RNPEPL1: variants seen among roughly 807,000 people sequenced by gnomAD.
RNPEPL1 encodes the protein aminopeptidase RNPEPL1.
In RNPEPL1, 46 loss-of-function variants were observed where a neutral mutation model predicts 69.0. The ratio of observed to expected loss-of-function variants is 0.67; its 90% CI spans 0.53 to 0.85. RNPEPL1 has a LOEUF of 0.85. RNPEPL1 is among the 40% of genes least tolerant of loss of function. RNPEPL1 has a pLI of 0.00. For synonymous variants in RNPEPL1, 525 were observed against 454.1 expected, an observed-to-expected ratio of 1.16 and a Z score of -1.98; for missense variants, 869 against 992.5, an observed-to-expected ratio of 0.88 and a Z score of 1.67.
Position 240,578,687 on chromosome 2 carries a change from G to A in RNPEPL1, c.*795G>A, listed in dbSNP as rs1462456277. 1 of 152,416 alleles carries A rather than the reference G, an allele frequency of 6.6e-6. No individual in the cohort carries two copies. Among genetic ancestry groups the A allele is most frequent in the Non-Finnish European group, 1.5e-5 (1 of 68,128 alleles). 9.4% of individuals were successfully genotyped at this position (152,416 alleles called of 1,614,324 possible). ...CTCCAGCCTGGGACTGCTGTGATGG[G>A]GTATCACGGTGATGGTCCCATTAAA... On this transcript the variant is annotated 3_prime_UTR_variant, in exon 11 of 11. Transcript: ENST00000270357.
chr2:240,573,737 G>A, intron 3 of RNPEPL1, 38 bp from the exon 4 acceptor site: 5 of 1,477,672 alleles, frequency 3.4e-6, no homozygotes, highest in Non-Finnish European at 3.6e-6. Context: ...CGGGGCTGGG[G>A]CTGCTCGGCC....
chr2:240,575,175 G>A (rs777034778), intron 7 of RNPEPL1, 33 bp downstream of exon 7: 1 of 1,548,018 alleles, frequency 6.5e-7, no homozygotes, highest in Non-Finnish European at 8.9e-7. Context: ...CGGCCCTGCT[G>A]CCATCTGCCC....
Position 240,572,631 on chromosome 2 carries a change from C to G in RNPEPL1, c.669+68C>G, listed in dbSNP as rs896212945. The G allele has an allele frequency of 2.5e-5, 38 of 1,520,102 alleles. No individual in the cohort carries two copies. The African/African-American group carries it at 3.7e-4, about 15-fold the overall frequency. The allele number at this position is 1,520,102 out of a possible 1,614,324, so 94.2% of individuals were successfully genotyped here. ...CCAGTGGCCTGGCCACGCCGCCTCC[C>G]CCTTGCTCCTACCTGCCTGGGCTGT... On this transcript the variant is annotated intron_variant, in intron 2 of 10. Coordinates refer to ENST00000270357, the MANE Select transcript of RNPEPL1 (RefSeq NM_018226.6).
chr2:240,574,901 A>G, intron 6 of RNPEPL1, 129 bp from the exon 7 acceptor site: 1 of 774,386 alleles, frequency 1.3e-6, no homozygotes, highest in Non-Finnish European at 2.3e-6. Context: ...GCATCAGTAC[A>G]CATCTGGACA....
chr2:240,577,920 C>T lies in RNPEPL1; in HGVS notation c.*28C>T. 6.9e-6 allele frequency: 10 copies of T among 1,458,694 alleles called. No homozygotes were observed. The highest frequency in any genetic ancestry group is 9.1e-6 in the Non-Finnish European group (10 of 1,097,094). The allele number at this position is 1,458,694 out of a possible 1,614,324, so 90.4% of individuals were successfully genotyped here. ...CTGTTGGCGGGCTGACCCTCGACCT[C>T]CCAGACACCACAATTGTGCCTTCTG... On this transcript the variant is annotated 3_prime_UTR_variant, in exon 11 of 11. Transcript: ENST00000270357.
rs1336354374 is a variant in RNPEPL1, at chr2:240,573,105, T to C, written c.670-5T>C. On this transcript the variant is annotated splice_polypyrimidine_tract_variant and splice_region_variant and intron_variant, in intron 2 of 10. Transcript: ENST00000270357. ...CCACCCGGTCTCAGTCCGGCCTCCT[T>C]ACAGGCGCCATCGGGGGTGCAGGTG... is the stretch of plus-strand genomic sequence containing the variant. 2 of 1,600,402 alleles carry C rather than the reference T, an allele frequency of 1.2e-6. No homozygotes were observed.
rs1222353251 is a variant in RNPEPL1, at chr2:240,569,020, A to G, written c.434A>G (p.Tyr145Cys). 1.3e-6 allele frequency: 2 copies of G among 1,507,524 alleles called. No homozygotes were observed. Among genetic ancestry groups the G allele is most frequent in the Admixed American group, 2.0e-5 (1 of 48,932 alleles). 93.4% of individuals were successfully genotyped at this position (1,507,524 alleles called of 1,614,324 possible). Reference protein sequence around the residue: ...LAFRVDPFTDYGSSLTVTLPP... With the variant: ...LAFRVDPFTDCGSSLTVTLPP... Reference sequence around the variant, plus strand: ...TTCAGGGTGGACCCGTTCACCGACTACGGCTCCTCGCTCACCGTCACGCTG... The same window carrying G: ...TTCAGGGTGGACCCGTTCACCGACTGCGGCTCCTCGCTCACCGTCACGCTG... The change falls in exon 1 of 11, where the codon TAC becomes TGC. Residue 145 changes from tyrosine (Y) to cysteine (C), a missense_variant. By Grantham distance (194) the Tyr-to-Cys change is radical. Coordinates refer to ENST00000270357, the MANE Select transcript of RNPEPL1 (RefSeq NM_018226.6).
Position 240,572,491 on chromosome 2 carries a change from C to T in RNPEPL1, c.597C>T (p.Ser199=), listed in dbSNP as rs771257257. 132 of 1,536,166 alleles carry T rather than the reference C, an allele frequency of 8.6e-5. No homozygotes were observed. The highest frequency in any genetic ancestry group is 4.6e-4 in the East Asian group (19 of 41,070). Residue 199 remains serine, a synonymous_variant, in exon 2 of 11, where the codon TCC becomes TCT. Transcript: ENST00000270357. ...CCTTCGTCTTCACCCAGGGCCACTC[C>T]GTGTGCAACCGCTCCTTCTTCCCGT... ...AKPFVFTQGH[S]VCNRSFFPCF...
At position 240,568,692 on chromosome 2, in the gene RNPEPL1, G is replaced by T. The variant is rs773731033; in HGVS notation, c.106G>T (p.Ala36Ser). The T allele has an allele frequency of 1.9e-4, 197 of 1,057,730 alleles. No individual in the cohort carries two copies. The African/African-American group carries it at 3.1e-3, about 17-fold the overall frequency. 65.5% of individuals were successfully genotyped at this position (1,057,730 alleles called of 1,614,324 possible). A position where few individuals can be genotyped will look rare whatever the true frequency, so the allele number is the denominator to read the frequency against. Reference sequence around the variant, plus strand: ...CCTGGACGTGGCCTCGGCCTCCAGCGCGCAGCTCTTCCGCCTCCGCCACCT... The same window carrying T: ...CCTGGACGTGGCCTCGGCCTCCAGCTCGCAGCTCTTCCGCCTCCGCCACCT... ...PALDVASASS[A>S]QLFRLRHLQL... Residue 36 changes from alanine to serine, a missense_variant, in exon 1 of 11, where the codon GCG becomes TCG. Around this residue, in one of 2 missense-constraint regions of RNPEPL1, gnomAD observed 259 missense variants for 201.5 expected, o/e 1.29. Transcript: ENST00000270357. The surrounding 1 kb of genome is among the most constrained non-coding windows in gnomAD (Gnocchi z 6.2).
rs1575438512 is a variant in RNPEPL1 at position 240,575,863 on chromosome 2, T to C, written c.1510+253T>C. 1.5e-5 allele frequency: 8 copies of C among 528,752 alleles called. No individual in the cohort carries two copies. In the East Asian group the frequency reaches 1.9e-4, roughly 13 times the overall value. The allele number at this position is 528,752 out of a possible 1,614,324, so 32.8% of individuals were successfully genotyped here. On this transcript the variant is annotated intron_variant, in intron 8 of 10. Transcript: ENST00000270357. ...TCAGGCACTCCCAGGAAGCGGGCCA[T>C]GGAAACCAGGTGTGCAAAGGGCCTG...
Position 240,573,164 on chromosome 2 carries a change from G to A in RNPEPL1, c.724G>A (p.Glu242Lys), listed in dbSNP as rs112339259. ...MSATRSAYMEEEGVFHFHMEH... is the reference protein window; with the variant it reads ...MSATRSAYMEKEGVFHFHMEH... ...TGCCACCCGGAGTGCATACATGGAG[G>A]AAGAAGGCGTCTTCCACTTCCACAT... is the stretch of plus-strand genomic sequence containing the variant. Residue 242 changes from glutamate to lysine, a missense_variant, in exon 3 of 11, where the codon GAA becomes AAA. Physicochemically the swap from Glu to Lys is moderately conservative, Grantham distance 56. This residue lies in a region of RNPEPL1 where 610 missense variants were observed against 790.9 expected (regional missense o/e 0.77). Transcript: ENST00000270357. 0.01 allele frequency: 16,254 copies of A among 1,609,092 alleles called. 120 individuals are homozygous for A. Among genetic ancestry groups the A allele is most frequent in the Middle Eastern group, 0.013 (77 of 6,050 alleles).
chr2:240,576,131 T>A (rs2093036986), intron 8 of RNPEPL1: 1 of 275,962 alleles, frequency 3.6e-6, no homozygotes, highest in East Asian at 8.4e-5. Flanking sequence ...GAGCTTTTTG[T>A]GGGTAGGGAA....
At position 240,576,433 on chromosome 2, in the gene RNPEPL1, C is replaced by A. The variant is rs2093037876; in HGVS notation, c.1511-102C>A. The A allele has an allele frequency of 4.3e-6, 5 of 1,154,534 alleles. No individual in the cohort carries two copies. The Admixed American group carries it at 7.3e-5, about 17-fold the overall frequency. The allele number at this position is 1,154,534 out of a possible 1,614,324, so 71.5% of individuals were successfully genotyped here. A position where few individuals can be genotyped will look rare whatever the true frequency, so the allele number is the denominator to read the frequency against. On this transcript the variant is annotated intron_variant, in intron 8 of 10. Coordinates refer to ENST00000270357, the MANE Select transcript of RNPEPL1 (RefSeq NM_018226.6). ...CAGCCCACGTCCCTGGAACAGGCCA[C>A]CTGCCTGGAACACACTCAGGGTCTG...
At chr2:240,572,027 C>T (rs1217289759) in intron 1 of RNPEPL1, among the ~76,000 whole-genome samples, 1 of 152,258 alleles carries the variant, frequency 6.6e-6, no homozygotes, top group Non-Finnish European at 1.5e-5. Flanking sequence ...ATGACCAAAT[C>T]AACTGCTGGG....
rs1039466560 is a variant in RNPEPL1, at chr2:240,578,520, T to A, written c.*628T>A. 1 of 151,350 alleles carries A rather than the reference T, an allele frequency of 6.6e-6. No individual in the cohort carries two copies. The highest frequency in any genetic ancestry group is 6.6e-5 in the Admixed American group (1 of 15,206). The allele number at this position is 151,350 out of a possible 1,614,324, so 9.4% of individuals were successfully genotyped here. A position where few individuals can be genotyped will look rare whatever the true frequency, so the allele number is the denominator to read the frequency against. ...AGGGAGTCCCAGGACCCAGGGAGAG[T>A]GTGGGGACAGGACAGCCTGTCTCTT... On this transcript the variant is annotated 3_prime_UTR_variant, in exon 11 of 11. Transcript: ENST00000270357.
At chr2:240,573,548 C>T (rs563329370) in intron 3 of RNPEPL1, among the ~76,000 whole-genome samples, 1 of 152,258 alleles carries the variant, frequency 6.6e-6, no homozygotes, top group Non-Finnish European at 1.5e-5. Context: ...CCCTTCAGCC[C>T]AGAGATAAAA....
chr2:240,569,849 G>C (rs2093016213), intron 1 of RNPEPL1, among the ~76,000 whole-genome samples: 1 of 152,220 alleles, frequency 6.6e-6, no homozygotes, highest in African/African-American at 2.4e-5. Flanking sequence ...GAGGCGCTGG[G>C]AAGTCCAGCT....
chr2:240,570,780 G>C (rs1314027184), intron 1 of RNPEPL1, among the ~76,000 whole-genome samples: 2 of 152,196 alleles, frequency 1.3e-5, no homozygotes, highest in South Asian at 2.1e-4. Context: ...CCTGTGCCCG[G>C]GTGCCCTGAC....
intron 10 of RNPEPL1, 23 bp from the exon 11 acceptor site, chr2:240,577,569 CACCAGTG>C: frequency 6.5e-7 from 1 of 1,535,932 alleles, no homozygotes; most frequent in Middle Eastern, 1.8e-4. Context: ...CTGGGGAGCC[CACCAGTG>C]TGACCGAGTG....
Sources: gnomAD v4.1 joint callset for allele counts (sites outside exome capture counted in the v4.1 genomes callset) on GRCh38, gnomAD v4.1.1 for gene constraint, gnomAD v4.1.1 regional missense constraint, Gnocchi (gnomAD v3.1) non-coding constraint, MANE v1.5 for transcripts, NCBI Gene and HGNC (gene_info 2026-07-23, HGNC 2026-07-21) for gene names.